The following ATOSA variants were observed in gnomAD, a reference collection of about 807,000 sequenced individuals.
ATOSA encodes atos homolog protein A.
chr15:52,658,801 CAAAAAAAAAAAAA>C, the ATOSA span: 5 of 263,602 alleles, frequency 1.9e-5, no homozygotes, highest in Middle Eastern at 9.0e-4. Context: ...CTCGTTTCTA[CAAAAAAAAAAAAA>C]AAAAAAAAAA....
chr15:52,665,959 G>A, the ATOSA span, among the ~76,000 whole-genome samples: 3 of 152,212 alleles, frequency 2.0e-5, no homozygotes, highest in Non-Finnish European at 2.9e-5. Flanking sequence ...TTCCTAAACA[G>A]TATATATGGT....
At chr15:52,588,222 T>C in the ATOSA span, among the ~76,000 whole-genome samples, 2 of 152,310 alleles carry the variant, frequency 1.3e-5, no homozygotes, top group South Asian at 4.1e-4. Flanking sequence ...CTCCAGATTA[T>C]ATCAATTTAC....
the ATOSA span, chr15:52,611,609 A>G: frequency 6.2e-7 from 1 of 1,614,026 alleles, no homozygotes. Flanking sequence ...CATCTTTCTA[A>G]TAATAATGCA....
chr15:52,676,596 T>C, the ATOSA span, among the ~76,000 whole-genome samples: 2 of 152,206 alleles, frequency 1.3e-5, no homozygotes, highest in African/African-American at 4.8e-5. Flanking sequence ...AATCCCATCA[T>C]CTTTACCTGA....
the ATOSA span, among the ~76,000 whole-genome samples, chr15:52,650,789 T>A: frequency 6.6e-6 from 1 of 152,176 alleles, no homozygotes; most frequent in Non-Finnish European, 1.5e-5. Context: ...CACTTAGCCA[T>A]GTAAAACGAA....
the ATOSA span, among the ~76,000 whole-genome samples, chr15:52,605,758 T>G: frequency 1.3e-5 from 2 of 152,268 alleles, 1 homozygote; most frequent in South Asian, 4.1e-4. Flanking sequence ...GAATTTATCA[T>G]CTAGCAAACT....
the ATOSA span, among the ~76,000 whole-genome samples, chr15:52,677,533 T>C: frequency 6.6e-6 from 1 of 152,222 alleles, no homozygotes; most frequent in Non-Finnish European, 1.5e-5. Flanking sequence ...CTGCAAACTT[T>C]TGGAGTTTGC....
chr15:52,657,887 T>C, the ATOSA span: 6 of 152,226 alleles, frequency 3.9e-5, no homozygotes, highest in African/African-American at 1.4e-4. Context: ...AAAAAATCAG[T>C]CATCATTGCT....
chr15:52,640,537 C>T, the ATOSA span, among the ~76,000 whole-genome samples: 1 of 115,542 alleles, frequency 8.7e-6, no homozygotes, highest in Non-Finnish European at 1.6e-5. Flanking sequence ...TGCCACTGAA[C>T]TCCAGCCTGA....
the ATOSA span, among the ~76,000 whole-genome samples, chr15:52,622,328 A>G: frequency 2.0e-5 from 3 of 152,230 alleles, no homozygotes; most frequent in African/African-American, 7.2e-5. Flanking sequence ...GTGAGATTCC[A>G]TATGAGAAAC....
chr15:52,597,612 T>C, the ATOSA span, among the ~76,000 whole-genome samples: 2 of 152,182 alleles, frequency 1.3e-5, no homozygotes, highest in African/African-American at 4.8e-5. Context: ...GATTCCCTCA[T>C]ATAGGAAAAA....
chr15:52,587,494 T>A, the ATOSA span: 1 of 236,854 alleles, frequency 4.2e-6, no homozygotes. Context: ...AAGAAGTTCC[T>A]AACTAAAAAG....
At chr15:52,608,719 T>A in the ATOSA span, 1 of 1,612,576 alleles carries the variant, frequency 6.2e-7, no homozygotes, top group Non-Finnish European at 8.5e-7. Context: ...TTTGAAACCT[T>A]CATTATCTTT....
chr15:52,597,231 T>A, the ATOSA span, among the ~76,000 whole-genome samples: 1 of 48,914 alleles, frequency 2.0e-5, no homozygotes, highest in Non-Finnish European at 8.0e-5. Flanking sequence ...TTCTATTCTA[T>A]TCTATTCTAT....
chr15:52,610,316 C>A, the ATOSA span: 1 of 1,613,960 alleles, frequency 6.2e-7, no homozygotes, highest in Non-Finnish European at 8.5e-7. Context: ...ACATTGGGAA[C>A]AGGAAACACA....
At chr15:52,676,745 A>G in the ATOSA span, among the ~76,000 whole-genome samples, 1 of 152,232 alleles carries the variant, frequency 6.6e-6, no homozygotes, top group South Asian at 2.1e-4. Context: ...GGCTGCAAAT[A>G]CTATTTTTAA....
At chr15:52,657,856 T>G in the ATOSA span, 1 of 152,190 alleles carries the variant, frequency 6.6e-6, no homozygotes, top group Non-Finnish European at 1.5e-5. Flanking sequence ...TAATTTTCTT[T>G]TTAAATAAAG....
the ATOSA span, among the ~76,000 whole-genome samples, chr15:52,648,292 T>C: frequency 2.0e-5 from 3 of 152,158 alleles, no homozygotes; most frequent in Non-Finnish European, 4.4e-5. Context: ...AGCTAAATAA[T>C]AAATTATACA....
the ATOSA span, among the ~76,000 whole-genome samples, chr15:52,592,569 G>A: frequency 1.3e-5 from 2 of 152,178 alleles, no homozygotes; most frequent in Non-Finnish European, 2.9e-5. Flanking sequence ...ACTCAGAGGT[G>A]TCCAATCTTT....
Sources: allele counts gnomAD v4.1 joint callset (sites outside exome capture counted in the v4.1 genomes callset), GRCh38; gene constraint gnomAD v4.1.1; transcripts MANE v1.5; gene names NCBI Gene and HGNC (gene_info 2026-07-23, HGNC 2026-07-21).